Variants in PDE4D observed in about 807,000 individuals in gnomAD.
The protein encoded by PDE4D is phosphodiesterase 4D.
PDE4D carries 24 observed loss-of-function variants against 87.4 expected under a neutral mutation model. The ratio of observed to expected loss-of-function variants is 0.27; its 90% CI spans 0.20 to 0.39. The LOEUF is 0.39. Among genes scored for constraint, PDE4D ranks in the 10% least tolerant of loss-of-function variants. The pLI is 1.00. For synonymous variants in PDE4D, 384 were observed against 383.2 expected (o/e 1.00, Z -0.02); for missense variants, 714 against 1,041.0 (o/e 0.69, Z 4.32).
intron 2 of PDE4D, among the ~76,000 whole-genome samples, chr5:60,028,336 C>A (rs1040546289): frequency 1.2e-4 from 18 of 152,294 alleles, no homozygotes; most frequent in Admixed American, 3.9e-4. Flanking sequence ...TGGGTGCCCC[C>A]AAAGCCCTGC....
intron 1 of PDE4D, among the ~76,000 whole-genome samples, chr5:60,314,367 A>G (rs1225554627): frequency 2.6e-5 from 4 of 151,954 alleles, no homozygotes; most frequent in African/African-American, 9.7e-5. Context: ...GGGTTTCACC[A>G]TGTTGCCCAG....
intron 1 of PDE4D, among the ~76,000 whole-genome samples, chr5:60,320,323 T>C (rs1756122077): frequency 6.6e-6 from 1 of 152,228 alleles, no homozygotes; most frequent in Non-Finnish European, 1.5e-5. Context: ...TTGCTAAGAC[T>C]GTTGGAAAAG....
rs1444768310 is a variant in PDE4D, at chr5:60,280,327, A to ATATATATAT, written c.-89-94641_-89-94640insATATATATA. 1.6e-3 allele frequency among the ~76,000 whole-genome samples: 235 copies of ATATATATAT among 142,606 alleles called. 3 individuals are homozygous for ATATATATAT. Among genetic ancestry groups the ATATATATAT allele is most frequent in the South Asian group, 0.012 (57 of 4,620 alleles). 93.6% of individuals were successfully genotyped at this position (142,606 alleles called of 152,430 possible). ...CTATATACATACATATATATATATA[A>ATATATATAT]ATATATATACACACATATATATAAA... On this transcript the variant is annotated intron_variant, in intron 1 of 16. Coordinates refer to the PDE4D transcript ENST00000502484.
At chr5:60,465,025 T>C (rs922439584) in intron 1 of PDE4D, among the ~76,000 whole-genome samples, 4 of 151,996 alleles carry the variant, frequency 2.6e-5, no homozygotes, top group African/African-American at 9.7e-5. Context: ...GGGAGGATTG[T>C]TTGAACTCAG....
intron 5 of PDE4D, among the ~76,000 whole-genome samples, chr5:59,162,243 G>T (rs1178705560): frequency 6.6e-6 from 1 of 152,162 alleles, no homozygotes; most frequent in African/African-American, 2.4e-5. Context: ...GGGCATATAA[G>T]CAGAGAAAAC....
chr5:59,493,892 C>T (rs764196389), intron 1 of PDE4D, among the ~76,000 whole-genome samples: 3 of 152,178 alleles, frequency 2.0e-5, no homozygotes, highest in Non-Finnish European at 4.4e-5. Context: ...GAACATACGT[C>T]TGAGCATAAA....
chr5:60,008,990 T>C (rs1038038198), intron 2 of PDE4D, among the ~76,000 whole-genome samples: 2 of 152,022 alleles, frequency 1.3e-5, no homozygotes, highest in African/African-American at 4.8e-5. Flanking sequence ...ATGCCATTAA[T>C]ACCACCCTCA....
chr5:59,467,855 G>C (rs1445993831), intron 1 of PDE4D, among the ~76,000 whole-genome samples: 1 of 152,096 alleles, frequency 6.6e-6, no homozygotes, highest in East Asian at 1.9e-4. Context: ...AAGCTTTATG[G>C]ATTTTTCTGG....
chr5:59,886,442 G>A (rs1007095395), intron 1 of PDE4D, among the ~76,000 whole-genome samples: 4 of 151,902 alleles, frequency 2.6e-5, no homozygotes, highest in Admixed American at 2.0e-4. Flanking sequence ...GCTTGAACCC[G>A]GTAGGCGGAG....
At chr5:59,744,058 T>C (rs1237799892) in intron 1 of PDE4D, among the ~76,000 whole-genome samples, 1 of 152,182 alleles carries the variant, frequency 6.6e-6, no homozygotes, top group Non-Finnish European at 1.5e-5. Context: ...TAACCAATAG[T>C]TCCTCACTCT....
At chr5:59,861,207 G>A (rs1309382869) in intron 1 of PDE4D, among the ~76,000 whole-genome samples, 1 of 152,062 alleles carries the variant, frequency 6.6e-6, no homozygotes, top group Non-Finnish European at 1.5e-5. Context: ...TACAGAAGCT[G>A]TGGGTTATTT....
chr5:58,977,884 ATTTTC>A (rs1407761314), intron 11 of PDE4D, among the ~76,000 whole-genome samples: 1 of 152,006 alleles, frequency 6.6e-6, no homozygotes, highest in Non-Finnish European at 1.5e-5. Context: ...ATTGTTTTCC[ATTTTC>A]TTTTCCAAGT....
At chr5:60,501,156 C>T (rs957470022) in intron 1 of PDE4D, among the ~76,000 whole-genome samples, 4 of 152,098 alleles carry the variant, frequency 2.6e-5, no homozygotes, top group Non-Finnish European at 4.4e-5. Flanking sequence ...CCCGCTTCCC[C>T]CACCCCACAA....
chr5:60,515,707 G>A (rs1280624321), intron 1 of PDE4D, among the ~76,000 whole-genome samples: 2 of 150,164 alleles, frequency 1.3e-5, no homozygotes, highest in Admixed American at 6.6e-5. Flanking sequence ...TGTGGATAGT[G>A]CGTAAGAACT....
chr5:59,176,869 T>G (rs1380811377), intron 5 of PDE4D, among the ~76,000 whole-genome samples: 1 of 152,154 alleles, frequency 6.6e-6, no homozygotes, highest in African/African-American at 2.4e-5. Flanking sequence ...TGAATTGTGA[T>G]GAGAATAAAG....
Position 59,893,279 on chromosome 5 carries a change from T to G in PDE4D, c.344A>C (p.Tyr115Ser). 7 of 1,547,738 alleles carry G rather than the reference T, an allele frequency of 4.5e-6. No homozygotes were observed. Among genetic ancestry groups the G allele is most frequent in the Non-Finnish European group, 6.1e-6 (7 of 1,145,550 alleles). ...RHRGYSDTER[Y>S]LYCRAMDRTS... ...GCGGTCCATGGCGCGACAGTACAGG[T>G]AGCGCTCGGTGTCCGAGTAGCCGCG... Residue 115 changes from tyrosine (Y) to serine (S), a missense_variant, in exon 1 of 15, where the codon TAC becomes TCC. Around this residue, in one of 7 missense-constraint regions of PDE4D, gnomAD observed 268 missense variants for 272.9 expected, o/e 0.98. Coordinates refer to ENST00000340635, the MANE Select transcript of PDE4D (RefSeq NM_001104631.2).
At chr5:59,717,333 G>C (rs1406650194) in intron 1 of PDE4D, among the ~76,000 whole-genome samples, 3 of 152,114 alleles carry the variant, frequency 2.0e-5, no homozygotes, top group Admixed American at 1.3e-4. Context: ...CCTTGCTGTG[G>C]GGATGCATAA....
intron 1 of PDE4D, among the ~76,000 whole-genome samples, chr5:60,391,796 C>T (rs16877983): frequency 0.27 from 40,483 of 152,012 alleles, 6,057 homozygotes; most frequent in Non-Finnish European, 0.34. Flanking sequence ...ACATAAACCT[C>T]TTTGGGGGCC....
Position 59,523,788 on chromosome 5 carries a change from T to C in PDE4D, c.456-307820A>G, listed in dbSNP as rs1005364228. Among the ~76,000 whole-genome samples the C allele has an allele frequency of 4.6e-5, 7 of 152,290 alleles. No homozygotes were observed. In the South Asian group the frequency reaches 1.5e-3, roughly 32 times the overall value. ...GGGGGAAAGTCCTCATGGGAGGTGA[T>C]TAGATCATGGAACAGATTCCCCCAT... is the stretch of plus-strand genomic sequence containing the variant. On this transcript the variant is annotated intron_variant, in intron 1 of 14. Coordinates refer to ENST00000340635, the MANE Select transcript of PDE4D (RefSeq NM_001104631.2).
Sources: gnomAD v4.1 joint callset for allele counts (sites outside exome capture counted in the v4.1 genomes callset) on GRCh38, gnomAD v4.1.1 for gene constraint, gnomAD v4.1.1 regional missense constraint, MANE v1.5 for transcripts, NCBI Gene and HGNC (gene_info 2026-07-23, HGNC 2026-07-21) for gene names.